Variants in CEP128 observed in about 807,000 individuals in gnomAD.
The protein encoded by CEP128 is centrosomal protein 128kDa.
A neutral mutation model predicts 156.7 loss-of-function variants in CEP128; 132 were observed. That is an observed-to-expected ratio of 0.84 (90% CI 0.73 to 0.97). CEP128 has a LOEUF of 0.97. Ranked by LOEUF, CEP128 falls within the 50% of genes least tolerant of loss-of-function variation. The probability of loss-of-function intolerance (pLI) is 0.00; values close to 1 mark genes in which losing one functional copy is unlikely to be tolerated. For synonymous variants in CEP128, 469 were observed against 448.9 expected (o/e 1.04, Z -0.57); for missense variants, 1,252 against 1,281.9 (o/e 0.98, Z 0.36).
rs1355840823 is a variant in CEP128, at chr14:80,857,761, AC to A, written c.762+4995del. Among the ~76,000 whole-genome samples the A allele has an allele frequency of 1.2e-4, 18 of 151,406 alleles. 2 individuals are homozygous for A. The highest frequency in any genetic ancestry group is 3.9e-4 in the East Asian group (2 of 5,186). Reference sequence around the variant, plus strand: ...AAAAAAAACAACAACAACAACAACAACAACAACAAAAAACATGAATTGAATT... The same window carrying A: ...AAAAAAAACAACAACAACAACAACAAAACAACAAAAAACATGAATTGAATT... On this transcript the variant is annotated intron_variant, in intron 9 of 24. Transcript: ENST00000555265.
At chr14:80,512,507 C>T (rs1465918544) in intron 23 of CEP128, among the ~76,000 whole-genome samples, 2 of 151,944 alleles carry the variant, frequency 1.3e-5, no homozygotes, top group African/African-American at 4.8e-5. Flanking sequence ...AGGCAACAGA[C>T]CATTGGGTCT....
At chr14:80,642,318 G>C (rs918221071) in intron 19 of CEP128, among the ~76,000 whole-genome samples, 1 of 152,124 alleles carries the variant, frequency 6.6e-6, no homozygotes, top group Admixed American at 6.5e-5. Context: ...ATAATTCTTA[G>C]TAGAACATGG....
chr14:80,585,199 T>C (rs1438912455), intron 19 of CEP128, among the ~76,000 whole-genome samples: 3 of 152,228 alleles, frequency 2.0e-5, no homozygotes, highest in Non-Finnish European at 4.4e-5. Context: ...GATCCAGCTG[T>C]CCTGTTTTGT....
chr14:80,736,054 G>T (rs1177436059), intron 19 of CEP128, among the ~76,000 whole-genome samples: 1 of 152,106 alleles, frequency 6.6e-6, no homozygotes. Context: ...TTAGGTTGTG[G>T]ACATCTTTTG....
At chr14:80,676,460 A>T (rs1156782762) in intron 19 of CEP128, among the ~76,000 whole-genome samples, 3 of 152,002 alleles carry the variant, frequency 2.0e-5, no homozygotes, top group Non-Finnish European at 1.5e-5. Flanking sequence ...TTTAAAAAAA[A>T]AATAATCAGA....
At chr14:80,678,566 C>T (rs1896185099) in intron 19 of CEP128, among the ~76,000 whole-genome samples, 1 of 152,132 alleles carries the variant, frequency 6.6e-6, no homozygotes, top group African/African-American at 2.4e-5. Context: ...AAAGGATACC[C>T]CAGATCCAGG....
At chr14:80,759,793 C>G (rs1899861578) in intron 17 of CEP128, among the ~76,000 whole-genome samples, 1 of 151,902 alleles carries the variant, frequency 6.6e-6, no homozygotes, top group Non-Finnish European at 1.5e-5. Context: ...TAATTTGTGA[C>G]TCATAAAGAA....
At chr14:80,708,483 G>A (rs192585258) in intron 19 of CEP128, among the ~76,000 whole-genome samples, 31 of 151,410 alleles carry the variant, frequency 2.0e-4, no homozygotes, top group African/African-American at 7.3e-4. Flanking sequence ...ATTTTTTTTC[G>A]ATTATTTTCC....
chr14:80,900,997 G>T (rs1056005773), intron 6 of CEP128, among the ~76,000 whole-genome samples: 6 of 152,006 alleles, frequency 3.9e-5, no homozygotes, highest in Non-Finnish European at 8.8e-5. Flanking sequence ...ACGAGGTCAG[G>T]AGATCGAGAC....
chr14:80,500,205 TG>T (rs1322615462), intron 24 of CEP128, among the ~76,000 whole-genome samples: 2 of 152,228 alleles, frequency 1.3e-5, no homozygotes, highest in African/African-American at 4.8e-5. Flanking sequence ...CCATTTCCTT[TG>T]TTTTTTCCAC....
At chr14:80,580,468 C>A in intron 19 of CEP128, 45 bp from the exon 20 acceptor site, 1 of 1,190,846 alleles carries the variant, frequency 8.4e-7, no homozygotes, top group Non-Finnish European at 1.2e-6. Flanking sequence ...AATGTAAAAA[C>A]GAGTTGCCTC....
intron 13 of CEP128, among the ~76,000 whole-genome samples, chr14:80,820,261 G>C (rs770520614): frequency 4.6e-5 from 7 of 152,098 alleles, no homozygotes; most frequent in Non-Finnish European, 1.0e-4. Context: ...GTGCCTTTTG[G>C]TAGAATGGAT....
chr14:80,896,677 A>G (rs879478492), intron 7 of CEP128, among the ~76,000 whole-genome samples: 61 of 152,258 alleles, frequency 4.0e-4, no homozygotes, highest in African/African-American at 1.5e-3. Flanking sequence ...TCACACTTGG[A>G]TCATAACTTT....
intron 8 of CEP128, among the ~76,000 whole-genome samples, chr14:80,892,900 C>T (rs1566698271): frequency 6.6e-6 from 1 of 151,638 alleles, no homozygotes; most frequent in Non-Finnish European, 1.5e-5. Context: ...CAAAAAATAA[C>T]AAATGTTGAC....
chr14:80,717,302 A>C (rs1897642689), intron 19 of CEP128, among the ~76,000 whole-genome samples: 1 of 152,218 alleles, frequency 6.6e-6, no homozygotes, highest in Non-Finnish European at 1.5e-5. Context: ...AAATACTGGA[A>C]TACTCCCAAA....
rs532402736 is a variant in CEP128 at position 80,729,236 on chromosome 14, C to T, written c.2806+13839G>A. 4.6e-5 allele frequency among the ~76,000 whole-genome samples: 7 copies of T among 151,760 alleles called. No homozygotes were observed. The South Asian group carries it at 6.3e-4, about 14-fold the overall frequency. On this transcript the variant is annotated intron_variant, in intron 19 of 24. Coordinates refer to ENST00000555265, the MANE Select transcript of CEP128 (RefSeq NM_152446.5). Reference sequence around the variant, plus strand: ...GCCTTTGTGTCCTCATAGTTTGGCTCCCACTTATAAGTGAGAACATACAAT... The same window carrying T: ...GCCTTTGTGTCCTCATAGTTTGGCTTCCACTTATAAGTGAGAACATACAAT...
chr14:80,660,372 T>C (rs987618955), intron 19 of CEP128, among the ~76,000 whole-genome samples: 1 of 152,172 alleles, frequency 6.6e-6, no homozygotes, highest in African/African-American at 2.4e-5. Flanking sequence ...AGTTCTGAGA[T>C]ATAAATGCCA....
At chr14:80,604,504 A>G (rs190555551) in intron 19 of CEP128, among the ~76,000 whole-genome samples, 7 of 152,260 alleles carry the variant, frequency 4.6e-5, no homozygotes, top group Middle Eastern at 3.4e-3. Flanking sequence ...ATCTTCTGTT[A>G]TCATTGCAAC....
intron 13 of CEP128, among the ~76,000 whole-genome samples, chr14:80,801,133 T>A (rs1285327967): frequency 2.6e-5 from 4 of 152,330 alleles, no homozygotes; most frequent in Middle Eastern, 6.8e-3. Flanking sequence ...CAAGGACTTT[T>A]TTGGCTGAGA....
Sources: gnomAD v4.1 joint callset for allele counts (sites outside exome capture counted in the v4.1 genomes callset) on GRCh38, gnomAD v4.1.1 for gene constraint, MANE v1.5 for transcripts, NCBI Gene and HGNC (gene_info 2026-07-23, HGNC 2026-07-21) for gene names.